The following APOB variants were observed in gnomAD, a reference collection of about 807,000 sequenced individuals.
APOB encodes apolipoprotein B, also known as apolipoprotein B-100.
In APOB, 153 loss-of-function variants were observed where a neutral mutation model predicts 314.1. The ratio of observed to expected loss-of-function variants is 0.49; its 90% CI spans 0.43 to 0.56. APOB has a LOEUF of 0.56. APOB is among the 20% of genes least tolerant of loss of function. The pLI, the probability that APOB is intolerant of heterozygous loss-of-function variation, is 0.00. For synonymous variants in APOB, 2,087 were observed against 2,036.4 expected (o/e 1.02, Z -0.67); for missense variants, 5,430 against 5,350.7 (o/e 1.01, Z -0.46).
Position 21,009,268 on chromosome 2 carries a change from G to A in APOB, c.7600C>T (p.Arg2534Ter), listed in dbSNP as rs145143533. 5.6e-6 allele frequency: 9 copies of A among 1,614,044 alleles called. No homozygotes were observed. The highest frequency in any genetic ancestry group is 7.6e-6 in the Non-Finnish European group (9 of 1,179,934). The change falls in exon 26 of 29, where the codon CGA (arginine) becomes TGA (stop). Residue 2534 changes from arginine to a stop codon, truncating the protein, a stop_gained. Coordinates refer to ENST00000233242, the MANE Select transcript of APOB (RefSeq NM_000384.3). LOFTEE classifies it high-confidence loss of function. The stretch of plus-strand genomic sequence containing the variant: ...ACCTGGCCTACCAGAGACAGGTATC[G>A]TTGAAGTTCCTGCTGAATGTCCATT... ...YQMDIQQELQRYLSLVGQVYS... is the reference protein window; with the variant it reads ...YQMDIQQELQ
At chr2:21,026,305 C>T (rs891879268) in intron 15 of APOB, among the ~76,000 whole-genome samples, 12 of 151,316 alleles carry the variant, frequency 7.9e-5, no homozygotes, top group Admixed American at 2.0e-4. Context: ...TGGAGTGTAA[C>T]GGCGTGATCT....
chr2:21,042,008 C>T (rs908493586), intron 3 of APOB, among the ~76,000 whole-genome samples: 9 of 152,186 alleles, frequency 5.9e-5, no homozygotes, highest in African/African-American at 1.7e-4. Flanking sequence ...TTTCACAGTG[C>T]GATTCCGAGT....
chr2:21,006,992 C>T lies in APOB; in HGVS notation c.9876G>A (p.Val3292=). 1 of 1,613,972 alleles carries T rather than the reference C, an allele frequency of 6.2e-7. No homozygotes were observed. Among genetic ancestry groups the T allele is most frequent in the Non-Finnish European group, 8.5e-7 (1 of 1,179,930 alleles). Residue 3292 remains valine, a synonymous_variant, in exon 26 of 29, where the codon GTG becomes GTA. Transcript: ENST00000233242. ...SFSILGSDVR[V]PSYTLILPSL... The stretch of plus-strand genomic sequence containing the variant: ...ATGGCAGGATTAATGTGTATGAAGG[C>T]ACACGGACGTCAGAACCTAGGATGG...
chr2:21,027,804 G>T, intron 14 of APOB, 24 bp downstream of exon 14: 1 of 1,566,540 alleles, frequency 6.4e-7, no homozygotes, highest in South Asian at 1.1e-5. Flanking sequence ...ATGGGCTAGA[G>T]AACCTCAAAC....
chr2:21,022,886 T>C lies in APOB; in HGVS notation c.2761A>G (p.Lys921Glu). The C allele has an allele frequency of 6.2e-7, 1 of 1,614,188 alleles. No homozygotes were observed. Among genetic ancestry groups the C allele is most frequent in the Non-Finnish European group, 8.5e-7 (1 of 1,180,034 alleles). The change falls in exon 18 of 29, where the codon AAG becomes GAG. Residue 921 changes from lysine (K) to glutamate (E), a missense_variant. Coordinates refer to ENST00000233242, the MANE Select transcript of APOB (RefSeq NM_000384.3). ...LEAHVALKAG[K>E]LKFIIPSPKR... ...GGGGAAGGAATGATAAACTTCAGCT[T>C]CCCAGCTTTTAGGGCAACATGAGCC... is the stretch of plus-strand genomic sequence containing the variant.
chr2:21,013,628 C>T (rs1663392196), intron 24 of APOB, 95 bp from the exon 25 acceptor site: 1 of 1,561,886 alleles, frequency 6.4e-7, no homozygotes. Flanking sequence ...GTACTTGCCC[C>T]ATTCCCAAAG....
Position 21,026,856 on chromosome 2 carries a change from C to G in APOB, c.2176G>C (p.Val726Leu), listed in dbSNP as rs1323742081. ...NKALYWVNGQ[V>L]PDGVSKVLVD... ...AAGACCTTAGAGACACCATCAGGAACTTGACCATTAACCCAGTACAAAGCT... is the reference window on the plus strand; with the variant it reads ...AAGACCTTAGAGACACCATCAGGAAGTTGACCATTAACCCAGTACAAAGCT... The change falls in exon 15 of 29, where the codon GTT (valine) becomes CTT (leucine). Residue 726 changes from valine (V) to leucine (L), a missense_variant. Coordinates refer to ENST00000233242, the MANE Select transcript of APOB (RefSeq NM_000384.3). The G allele has an allele frequency of 1.2e-6, 2 of 1,614,156 alleles. No individual in the cohort carries two copies. Among genetic ancestry groups the G allele is most frequent in the Non-Finnish European group, 1.7e-6 (2 of 1,179,968 alleles).
chr2:21,019,037 C>T lies in APOB; in HGVS notation c.3076G>A (p.Asp1026Asn). 6.2e-7 allele frequency: 1 copy of T among 1,614,044 alleles called. No homozygotes were observed. The highest frequency in any genetic ancestry group is 8.5e-7 in the Non-Finnish European group (1 of 1,180,014). ...TTCAGGGTATCCACCAAGGCTCTGT[C>T]CTCTCTCTGGAGCTCATAGGTTGCG... ...VSATYELQRE[D>N]RALVDTLKFV... is the part of the protein sequence containing the mutation. Residue 1026 changes from aspartate (D) to asparagine (N), a missense_variant, in exon 20 of 29, where the codon GAC becomes AAC. Around this residue, in one of 3 missense-constraint regions of APOB, gnomAD observed 2,085 missense variants for 2,079.7 expected, o/e 1.00. Transcript: ENST00000233242.
chr2:21,005,329 TC>T lies in APOB; in HGVS notation c.11538del (p.Ile3847SerfsTer37). 2 of 1,614,112 alleles carry T rather than the reference TC, an allele frequency of 1.2e-6. No individual in the cohort carries two copies. The highest frequency in any genetic ancestry group is 1.7e-6 in the Non-Finnish European group (2 of 1,179,970). Reference sequence around the variant, plus strand: ...ATGGTGGGCAACTCAAAGTCTGCGATCTTGTTGGCTACTGCATTTAGATCCA... The same window carrying T: ...ATGGTGGGCAACTCAAAGTCTGCGATTTGTTGGCTACTGCATTTAGATCCA... ...AALDLNAVANKIADFELPTII... is the reference protein window; with the variant it reads ...AALDLNAVANXIADFELPTII... On this transcript the variant is annotated frameshift_variant, in exon 26 of 29. Coordinates refer to ENST00000233242, the MANE Select transcript of APOB (RefSeq NM_000384.3). LOFTEE classifies it high-confidence loss of function.
Position 21,029,962 on chromosome 2 carries a change from T to G in APOB, c.1406A>C (p.Tyr469Ser). The G allele has an allele frequency of 3.1e-6, 5 of 1,614,132 alleles. No individual in the cohort carries two copies. The highest frequency in any genetic ancestry group is 4.2e-6 in the Non-Finnish European group (5 of 1,179,972). The change falls in exon 11 of 29, where the codon TAC becomes TCC. Residue 469 changes from tyrosine to serine, a missense_variant. By Grantham distance (144) the Tyr-to-Ser change is moderately radical. Around this residue, in one of 3 missense-constraint regions of APOB, gnomAD observed 2,085 missense variants for 2,079.7 expected, o/e 1.00. Coordinates refer to ENST00000233242, the MANE Select transcript of APOB (RefSeq NM_000384.3). ...GTCATCTTGAATCTGTTCCATCAGG[T>G]AATTAGCAATGTCCAGCAGCTCCTG... ...GTQELLDIAN[Y>S]LMEQIQDDCT...
At chr2:21,012,777 T>A (rs1466040088) in intron 25 of APOB, 126 bp from the exon 26 acceptor site, 1 of 1,002,184 alleles carries the variant, frequency 1.0e-6, no homozygotes, top group Admixed American at 2.3e-5. Context: ...GACTCCTCCA[T>A]CTGTAATGCA....
rs745408649 is a variant in APOB, at chr2:21,006,751, C to G, written c.10117G>C (p.Val3373Leu). Reference sequence around the variant, plus strand: ...AATTTGTACTGCAGTGCATCAATGACAGATGAAGATGAAGAAAGGAGATGA... The same window carrying G: ...AATTTGTACTGCAGTGCATCAATGAGAGATGAAGATGAAGAAAGGAGATGA... ...VAHLLSSSSS[V>L]IDALQYKLEG... is the part of the protein sequence containing the mutation. Residue 3373 changes from valine to leucine, a missense_variant, in exon 26 of 29, where the codon GTC becomes CTC. Coordinates refer to ENST00000233242, the MANE Select transcript of APOB (RefSeq NM_000384.3). 46 of 1,613,894 alleles carry G rather than the reference C, an allele frequency of 2.9e-5. 1 individual carries two copies. Among genetic ancestry groups the G allele is most frequent in the Non-Finnish European group, 3.7e-5 (44 of 1,179,972 alleles).
chr2:21,031,278 A>G (rs978424392), intron 10 of APOB, among the ~76,000 whole-genome samples: 3 of 152,250 alleles, frequency 2.0e-5, no homozygotes, highest in Non-Finnish European at 4.4e-5. Flanking sequence ...CCATAAAAAG[A>G]ATAAAATCAT....
At chr2:21,034,780 A>G in intron 8 of APOB, 36 bp downstream of exon 8, 1 of 1,197,490 alleles carries the variant, frequency 8.4e-7, no homozygotes. Flanking sequence ...CATCTTGAGT[A>G]GATTTTCCAG....
At position 21,034,884 on chromosome 2, in the gene APOB, AC is replaced by A; in HGVS notation, c.835del (p.Val279Ter). On this transcript the variant is annotated frameshift_variant, in exon 8 of 29. Transcript: ENST00000233242. LOFTEE classifies it high-confidence loss of function. Reference protein sequence around the residue: ...PFSYKNKYGMVAQVTQTLKLE... With the variant: ...PFSYKNKYGMXAQVTQTLKLE... ...TTTCAAAGTCTGTGTCACTTGTGCT[AC>A]CATCCCATACTTATTCCTGGTAACC... 1 of 1,575,410 alleles carries A rather than the reference AC, an allele frequency of 6.3e-7. No individual in the cohort carries two copies. The highest frequency in any genetic ancestry group is 8.7e-7 in the Non-Finnish European group (1 of 1,144,692).
At position 21,003,106 on chromosome 2, in the gene APOB, T is replaced by G. The variant is rs1663037104; in HGVS notation, c.12316A>C (p.Arg4106=). 6.3e-7 allele frequency: 1 copy of G among 1,598,996 alleles called. No individual in the cohort carries two copies. Among genetic ancestry groups the G allele is most frequent in the Non-Finnish European group, 8.5e-7 (1 of 1,171,342 alleles). Residue 4106 remains arginine (R), a synonymous_variant, in exon 29 of 29, where the codon AGA becomes CGA. Transcript: ENST00000233242. ...TLREVSSKLR[R]NLQNNAEWVY... ...CACTCAGCATTGTTCTGCAGATTTC[T>G]TCTCAGCTTTGAAGACACTTCTCTC... is the stretch of plus-strand genomic sequence containing the variant.
intron 1 of APOB, 37 bp from the exon 2 acceptor site, chr2:21,043,588 C>T (rs751008020): frequency 5.1e-6 from 8 of 1,582,646 alleles, no homozygotes; most frequent in African/African-American, 1.3e-5. Context: ...GAGCTTCCCA[C>T]GTCTTCCCAG....
At position 21,023,607 on chromosome 2, in the gene APOB, C is replaced by G. The variant is rs1245396413; in HGVS notation, c.2522G>C (p.Gly841Ala). The change falls in exon 17 of 29, where the codon GGA becomes GCA. Residue 841 changes from glycine to alanine, a missense_variant. This residue lies in a region of APOB where 2,085 missense variants were observed against 2,079.7 expected (regional missense o/e 1.00). Transcript: ENST00000233242. ...FMENAFELPT[G>A]AGLQLQISSS... Reference sequence around the variant, plus strand: ...AGATATTTGCAACTGTAATCCAGCTCCAGTGGGGAGTTCAAAGGCATTCTC... The same window carrying G: ...AGATATTTGCAACTGTAATCCAGCTGCAGTGGGGAGTTCAAAGGCATTCTC... 1.9e-6 allele frequency: 3 copies of G among 1,614,132 alleles called. No homozygotes were observed. The highest frequency in any genetic ancestry group is 2.5e-6 in the Non-Finnish European group (3 of 1,180,014).
chr2:21,021,031 T>A (rs1175536710), intron 18 of APOB, among the ~76,000 whole-genome samples: 1 of 152,212 alleles, frequency 6.6e-6, no homozygotes, highest in Non-Finnish European at 1.5e-5. Flanking sequence ...ATACTAATGA[T>A]TCCCAAATCC....
Sources: gnomAD v4.1 joint callset for allele counts (sites outside exome capture counted in the v4.1 genomes callset) on GRCh38, gnomAD v4.1.1 for gene constraint, gnomAD v4.1.1 regional missense constraint, MANE v1.5 for transcripts, NCBI Gene and HGNC (gene_info 2026-07-23, HGNC 2026-07-21) for gene names.